The following TBCEL variants were observed in gnomAD, a reference collection of about 807,000 sequenced individuals.
The protein encoded by TBCEL is tubulin folding cofactor E like, also known as tubulin-specific chaperone cofactor E-like protein.
TBCEL carries 15 observed loss-of-function variants against 44.2 expected under a neutral mutation model. That is an observed-to-expected ratio of 0.34 (90% CI 0.23 to 0.52). The LOEUF (loss-of-function observed/expected upper bound fraction) is 0.52. Among genes scored for constraint, TBCEL ranks in the 20% least tolerant of loss-of-function variants. The probability of loss-of-function intolerance (pLI) is 0.95; values close to 1 mark genes in which losing one functional copy is unlikely to be tolerated. For missense variants in TBCEL, 319 were observed against 506.3 expected (o/e 0.63, Z 3.55); for synonymous variants, 171 against 185.4 (o/e 0.92, Z 0.63).
intron 7 of TBCEL, among the ~76,000 whole-genome samples, chr11:121,058,849 CTT>C (rs1212295591): frequency 6.6e-6 from 1 of 151,826 alleles, no homozygotes; most frequent in Non-Finnish European, 1.5e-5. Context: ...ATTCCTGAAA[CTT>C]GGGCTGTTTC....
chr11:121,046,597 T>TC (rs1217099153), intron 3 of TBCEL, among the ~76,000 whole-genome samples: 1 of 152,036 alleles, frequency 6.6e-6, no homozygotes, highest in Non-Finnish European at 1.5e-5. Context: ...ATTTTTTTTT[T>TC]CCGGGATCCA....
chr11:121,053,043 A>T lies in TBCEL; in HGVS notation c.274-508A>T, dbSNP rs17311547. Among the ~76,000 whole-genome samples the T allele has an allele frequency of 6.6e-3, 1,002 of 151,830 alleles. 4 individuals carry two copies. Among genetic ancestry groups the T allele is most frequent in the Non-Finnish European group, 9.5e-3 (642 of 67,828 alleles). The stretch of plus-strand genomic sequence containing the variant: ...ATTTTAAAGTTTGGTACATCTTTGA[A>T]CCAAATTGAAACTGTTTTCTAAGTG... On this transcript the variant is annotated intron_variant, in intron 4 of 8. Coordinates refer to ENST00000683345, the MANE Select transcript of TBCEL (RefSeq NM_001363644.2).
chr11:121,084,038 C>T (rs1194792396), intron 8 of TBCEL, among the ~76,000 whole-genome samples: 1 of 152,176 alleles, frequency 6.6e-6, no homozygotes, highest in Non-Finnish European at 1.5e-5. Context: ...GAGGGCTGAA[C>T]TCACTTTACC....
intron 8 of TBCEL, among the ~76,000 whole-genome samples, chr11:121,072,886 T>C (rs1268785292): frequency 6.6e-6 from 1 of 152,154 alleles, no homozygotes; most frequent in East Asian, 1.9e-4. Context: ...TAGTTTCAAA[T>C]AGAGATCTGG....
intron 7 of TBCEL, among the ~76,000 whole-genome samples, 178 bp downstream of exon 7, chr11:121,058,649 A>G (rs1227264953): frequency 6.6e-6 from 1 of 151,916 alleles, no homozygotes; most frequent in African/African-American, 2.4e-5. Flanking sequence ...GAGCACTATG[A>G]TGAGGAAAAC....
intron 1 of TBCEL, among the ~76,000 whole-genome samples, chr11:121,026,089 A>G (rs543661517): frequency 3.2e-4 from 49 of 152,332 alleles, no homozygotes; most frequent in Admixed American, 1.3e-3. Context: ...TGCAGTAATT[A>G]TTATGATATA....
At chr11:121,036,089 C>T (rs1229530902) in intron 1 of TBCEL, 1 of 152,284 alleles carries the variant, frequency 6.6e-6, no homozygotes, top group Non-Finnish European at 1.5e-5. Flanking sequence ...AAAACCCAAG[C>T]AAGTTCCCCC....
intron 1 of TBCEL, among the ~76,000 whole-genome samples, chr11:121,032,918 C>G (rs2134883282): frequency 6.6e-6 from 1 of 152,210 alleles, no homozygotes; most frequent in East Asian, 1.9e-4. Flanking sequence ...TACCTTTTGG[C>G]AAGTAGGGAA....
chr11:121,027,643 A>G (rs945649722), intron 1 of TBCEL, among the ~76,000 whole-genome samples: 2 of 152,110 alleles, frequency 1.3e-5, no homozygotes, highest in Admixed American at 6.6e-5. Flanking sequence ...TGCATATAAA[A>G]TGTTCCCTTT....
intron 8 of TBCEL, among the ~76,000 whole-genome samples, chr11:121,079,151 C>T (rs903878033): frequency 3.3e-5 from 5 of 152,122 alleles, no homozygotes; most frequent in South Asian, 2.1e-4. Context: ...TGAAAGGTGA[C>T]ATTAAATAAT....
chr11:121,057,730 G>A, intron 6 of TBCEL: 2 of 394,074 alleles, frequency 5.1e-6, no homozygotes, highest in South Asian at 2.0e-5. Flanking sequence ...TAGAGATAAA[G>A]TATGCAGGAG....
intron 8 of TBCEL, among the ~76,000 whole-genome samples, chr11:121,085,317 C>T (rs2135025578): frequency 6.6e-6 from 1 of 152,236 alleles, no homozygotes; most frequent in Middle Eastern, 3.4e-3. Flanking sequence ...GGATTACAGG[C>T]GTGAGCCACC....
intron 8 of TBCEL, among the ~76,000 whole-genome samples, chr11:121,084,333 T>C (rs1946177891): frequency 6.6e-6 from 1 of 152,206 alleles, no homozygotes; most frequent in Non-Finnish European, 1.5e-5. Context: ...TTTCATCTCA[T>C]TCTGCAGTTT....
At chr11:121,055,480 T>C (rs998473338) in intron 6 of TBCEL, among the ~76,000 whole-genome samples, 172 bp downstream of exon 6, 1 of 151,916 alleles carries the variant, frequency 6.6e-6, no homozygotes, top group African/African-American at 2.4e-5. Flanking sequence ...TTTTCATAAA[T>C]GATCTGATAA....
chr11:121,067,426 T>G (rs1055740566), intron 8 of TBCEL, among the ~76,000 whole-genome samples: 7 of 152,248 alleles, frequency 4.6e-5, no homozygotes, highest in African/African-American at 1.7e-4. Context: ...ATCCTTTTTA[T>G]TGCCTTCTGA....
chr11:121,047,490 G>A (rs924054046), intron 3 of TBCEL, 38 bp from the exon 4 acceptor site: 8 of 1,606,308 alleles, frequency 5.0e-6, no homozygotes, highest in Non-Finnish European at 6.0e-6. Context: ...CAAGAATTTG[G>A]CTGATATAGA....
At chr11:121,027,433 C>G (rs1945066115) in intron 1 of TBCEL, among the ~76,000 whole-genome samples, 1 of 152,122 alleles carries the variant, frequency 6.6e-6, no homozygotes, top group Non-Finnish European at 1.5e-5. Flanking sequence ...ATTTCATTTC[C>G]CTCCTCAAAA....
intron 8 of TBCEL, among the ~76,000 whole-genome samples, chr11:121,084,088 A>G (rs768379531): frequency 6.6e-6 from 1 of 152,202 alleles, no homozygotes; most frequent in South Asian, 2.1e-4. Context: ...GCGTTAATCT[A>G]TTCATGAAGG....
At chr11:121,041,092 G>C (rs1945324559) in intron 2 of TBCEL, among the ~76,000 whole-genome samples, 1 of 152,132 alleles carries the variant, frequency 6.6e-6, no homozygotes, top group East Asian at 1.9e-4. Context: ...CTGTTTCTTT[G>C]TGAAATAAGT....
Sources: allele counts gnomAD v4.1 joint callset (sites outside exome capture counted in the v4.1 genomes callset), GRCh38; gene constraint gnomAD v4.1.1; transcripts MANE v1.5; gene names NCBI Gene and HGNC (gene_info 2026-07-23, HGNC 2026-07-21).